The following ABHD12 variants were observed in gnomAD, a reference collection of about 807,000 sequenced individuals.
ABHD12 encodes the protein lysophosphatidylserine lipase ABHD12.
In ABHD12, 43 loss-of-function variants were observed where a neutral mutation model predicts 58.3. That is an observed-to-expected ratio of 0.74 (90% CI 0.58 to 0.95). ABHD12 has a LOEUF of 0.95. Among genes scored for constraint, ABHD12 ranks in the 40% least tolerant of loss-of-function variants. The probability of loss-of-function intolerance (pLI) is 0.00; values close to 1 mark genes in which losing one functional copy is unlikely to be tolerated. For missense variants in ABHD12, 539 were observed against 537.2 expected (o/e 1.00, Z -0.03); for synonymous variants, 219 against 211.2 (o/e 1.04, Z -0.32).
At chr20:25,348,200 ACT>A (rs1377360428) in intron 1 of ABHD12, among the ~76,000 whole-genome samples, 1 of 151,296 alleles carries the variant, frequency 6.6e-6, no homozygotes, top group Non-Finnish European at 1.5e-5. Flanking sequence ...ACAGAGCAAG[ACT>A]CTGTCTCAAA....
At chr20:25,343,101 A>G (rs1362623600) in intron 1 of ABHD12, among the ~76,000 whole-genome samples, 1 of 152,184 alleles carries the variant, frequency 6.6e-6, no homozygotes, top group East Asian at 1.9e-4. Flanking sequence ...GGCCTAAAGT[A>G]TTTTTAAATT....
At chr20:25,362,491 C>T (rs1234822050) in intron 1 of ABHD12, among the ~76,000 whole-genome samples, 1 of 148,518 alleles carries the variant, frequency 6.7e-6, no homozygotes. Context: ...GCTTGAACCC[C>T]GGAAATGGAG....
chr20:25,296,521 A>G (rs1253796129), downstream of ABHD12: 2 of 1,611,594 alleles, frequency 1.2e-6, no homozygotes, highest in African/African-American at 2.7e-5. Context: ...CCCCGGGACT[A>G]GGCACACCCT....
At position 25,301,166 on chromosome 20, in the gene ABHD12, A is replaced by G. The variant is rs192322065; in HGVS notation, c.1158-282T>C. 3.9e-5 allele frequency among the ~76,000 whole-genome samples: 6 copies of G among 152,274 alleles called. No homozygotes were observed. The East Asian group carries it at 1.2e-3, about 29-fold the overall frequency. On this transcript the variant is annotated intron_variant, in intron 12 of 12. Coordinates refer to ENST00000339157, the MANE Select transcript of ABHD12 (RefSeq NM_001042472.3). ...TCTCTGGTCTAAATTTTCTACACAT[A>G]TCTTCCTTTTATAATGGGGAAAATT...
At chr20:25,322,381 A>ATATATATTTTT in intron 3 of ABHD12, among the ~76,000 whole-genome samples, 9 of 59,270 alleles carry the variant, frequency 1.5e-4, no homozygotes, top group African/African-American at 5.8e-4. Context: ...ATATATATAT[A>ATATATATTTTT]TTTTTTTTTT....
chr20:25,387,609 T>G (rs1281062480), intron 1 of ABHD12, among the ~76,000 whole-genome samples: 1 of 28,240 alleles, frequency 3.5e-5, no homozygotes, highest in African/African-American at 1.8e-4. Flanking sequence ...AAAAAAAAAA[T>G]TAACCAGGAG....
At chr20:25,343,605 G>C (rs886334231) in intron 1 of ABHD12, among the ~76,000 whole-genome samples, 2 of 152,156 alleles carry the variant, frequency 1.3e-5, no homozygotes, top group Admixed American at 6.5e-5. Context: ...AGGAGTTCAA[G>C]ACCACCTGGC....
chr20:25,294,862 T>G, exon 13 of ABHD12: 3 of 1,275,364 alleles, frequency 2.4e-6, no homozygotes, highest in Non-Finnish European at 3.4e-6. Context: ...TTGGCAAAAG[T>G]TGAATCCGGC....
chr20:25,296,422 A>G (rs1477097118), downstream of ABHD12: 2 of 1,614,092 alleles, frequency 1.2e-6, no homozygotes, highest in Non-Finnish European at 1.7e-6. Context: ...TGCTCGGGCA[A>G]GTTCTCCAGT....
chr20:25,311,631 CAAG>C (rs968171126), intron 6 of ABHD12, among the ~76,000 whole-genome samples: 2 of 152,356 alleles, frequency 1.3e-5, no homozygotes, highest in East Asian at 1.9e-4. Flanking sequence ...CCTGCCCCCA[CAAG>C]AAGGTGAAGG....
At chr20:25,297,099 C>T (rs767746313), downstream of ABHD12, 4 of 157,496 alleles carry the variant, frequency 2.5e-5, no homozygotes, top group Non-Finnish European at 5.6e-5. Flanking sequence ...GGCTCTGCAC[C>T]TGGTATATGG....
At chr20:25,326,234 C>T (rs928522146) in intron 2 of ABHD12, among the ~76,000 whole-genome samples, 4 of 151,954 alleles carry the variant, frequency 2.6e-5, no homozygotes, top group African/African-American at 9.7e-5. Context: ...AAGGAAGGCT[C>T]TTCTGCAACA....
At chr20:25,352,914 T>C (rs947115887) in intron 1 of ABHD12, among the ~76,000 whole-genome samples, 4 of 152,058 alleles carry the variant, frequency 2.6e-5, no homozygotes, top group African/African-American at 7.2e-5. Flanking sequence ...TGTGGTGGTG[T>C]GTACCCATAG....
intron 1 of ABHD12, among the ~76,000 whole-genome samples, chr20:25,357,367 T>G (rs891285636): frequency 2.0e-5 from 3 of 152,234 alleles, no homozygotes; most frequent in Non-Finnish European, 2.9e-5. Context: ...ATCTCTAACA[T>G]GATGGACAGA....
At chr20:25,303,328 C>T in intron 11 of ABHD12, 3 of 1,440,720 alleles carry the variant, frequency 2.1e-6, no homozygotes, top group Non-Finnish European at 2.7e-6. Flanking sequence ...TCAGTGGGCC[C>T]CTGCCCCAAC....
intron 1 of ABHD12, among the ~76,000 whole-genome samples, chr20:25,366,586 AG>A (rs925482918): frequency 1.3e-4 from 20 of 152,304 alleles, no homozygotes; most frequent in Middle Eastern, 6.8e-3. Flanking sequence ...CCATCTTAAT[AG>A]AATTTGGACT....
chr20:25,386,482 G>C (rs1295957552), intron 1 of ABHD12, among the ~76,000 whole-genome samples: 1 of 151,750 alleles, frequency 6.6e-6, no homozygotes, highest in Admixed American at 6.5e-5. Flanking sequence ...GGATGGTCTC[G>C]ATCTCCTGAC....
At position 25,345,081 on chromosome 20, in the gene ABHD12, G is replaced by A. The variant is rs146939615; in HGVS notation, c.192-5730C>T. Among the ~76,000 whole-genome samples the A allele has an allele frequency of 1.8e-3, 271 of 151,472 alleles. 1 individual carries two copies. Among genetic ancestry groups the A allele is most frequent in the African/African-American group, 6.3e-3 (262 of 41,360 alleles). On this transcript the variant is annotated intron_variant, in intron 1 of 12. Transcript: ENST00000339157. Reference sequence around the variant, plus strand: ...AAATTTAGGTGAACTTGGGTATGACGAAGACTTTTTTTTTTTTTTCTGGAG... The same window carrying A: ...AAATTTAGGTGAACTTGGGTATGACAAAGACTTTTTTTTTTTTTTCTGGAG...
chr20:25,304,008 A>G (rs13038172), intron 10 of ABHD12, among the ~76,000 whole-genome samples: 33,781 of 152,270 alleles, frequency 0.22, 4,748 homozygotes, highest in Non-Finnish European at 0.31. Flanking sequence ...TATCTGTGTA[A>G]GTGACATTTA....
Sources: allele counts gnomAD v4.1 joint callset (sites outside exome capture counted in the v4.1 genomes callset), GRCh38; gene constraint gnomAD v4.1.1; transcripts MANE v1.5; gene names NCBI Gene and HGNC (gene_info 2026-07-23, HGNC 2026-07-21).